The following UBAC2 variants were observed in gnomAD, a reference collection of about 807,000 sequenced individuals.
The protein encoded by UBAC2 is ubiquitin-associated domain-containing protein 2.
Under a neutral mutation model 44.0 loss-of-function variants are expected in UBAC2, and 26 were observed. The ratio of observed to expected loss-of-function variants is 0.59; its 90% CI spans 0.43 to 0.82. UBAC2 has a LOEUF of 0.82. UBAC2 is among the 40% of genes least tolerant of loss of function. The pLI is 0.00. For synonymous variants in UBAC2, 155 were observed against 154.3 expected (o/e 1.00, Z -0.04); for missense variants, 329 against 419.4 (o/e 0.78, Z 1.88).
chr13:99,372,304 T>C (rs1431803447), intron 8 of UBAC2: 1 of 152,268 alleles, frequency 6.6e-6, no homozygotes, highest in Non-Finnish European at 1.5e-5. Flanking sequence ...CCAAGTGCTC[T>C]TAGAGTTGAA....
At position 99,283,688 on chromosome 13, in the gene UBAC2, C is replaced by T. The variant is rs1168591183; in HGVS notation, c.390-30409C>T. ...ATGCCTGTCTGAATTGTGGCTCAGA[C>T]ATTTCCTTAATGCCTTAATGCCACC... is the stretch of plus-strand genomic sequence containing the variant. On this transcript the variant is annotated intron_variant, in intron 4 of 8. Transcript: ENST00000403766. 2.2e-5 allele frequency among the ~76,000 whole-genome samples: 3 copies of T among 135,820 alleles called. No individual in the cohort carries two copies. The Admixed American group carries it at 2.2e-4, about 10-fold the overall frequency. The allele number at this position is 135,820 out of a possible 152,430, so 89.1% of individuals were successfully genotyped here. A position where few individuals can be genotyped will look rare whatever the true frequency, so the allele number is the denominator to read the frequency against.
intron 7 of UBAC2, among the ~76,000 whole-genome samples, chr13:99,349,325 A>T (rs2045041469): frequency 6.6e-6 from 1 of 152,214 alleles, no homozygotes; most frequent in Non-Finnish European, 1.5e-5. Context: ...AGCCCTTGGA[A>T]TCTCCACAGT....
At chr13:99,216,551 G>A (rs1229799505) in intron 1 of UBAC2, among the ~76,000 whole-genome samples, 1 of 152,190 alleles carries the variant, frequency 6.6e-6, no homozygotes, top group Non-Finnish European at 1.5e-5. Context: ...GATCAGGGCA[G>A]GCAGAAACTG....
intron 1 of UBAC2, among the ~76,000 whole-genome samples, chr13:99,204,901 CTTTTTTT>C (rs569772649): frequency 9.2e-5 from 7 of 75,976 alleles, no homozygotes; most frequent in Middle Eastern, 7.7e-3. Flanking sequence ...GTTTCGTTTC[CTTTTTTT>C]TTTTTTTTTT....
At chr13:99,230,920 G>T (rs1291856983) in intron 1 of UBAC2, among the ~76,000 whole-genome samples, 2 of 152,068 alleles carry the variant, frequency 1.3e-5, no homozygotes, top group Admixed American at 1.3e-4. Flanking sequence ...GTGGTGGCAC[G>T]TGCCTGTAGT....
chr13:99,366,382 A>C (rs1055614156), intron 7 of UBAC2, among the ~76,000 whole-genome samples: 14 of 152,154 alleles, frequency 9.2e-5, no homozygotes, highest in African/African-American at 3.4e-4. Flanking sequence ...TTAACTATAA[A>C]TCCCATGTAA....
chr13:99,264,404 A>G (rs945968045), intron 4 of UBAC2, among the ~76,000 whole-genome samples: 8 of 152,222 alleles, frequency 5.3e-5, no homozygotes, highest in Admixed American at 1.3e-4. Flanking sequence ...TTTTCTGTAT[A>G]TGTGTTACCT....
intron 1 of UBAC2, chr13:99,231,612 T>G (rs2142709739): frequency 6.6e-6 from 1 of 152,044 alleles, no homozygotes; most frequent in South Asian, 2.1e-4. Flanking sequence ...GGTTTTGCCA[T>G]GTTGACCAGG....
intron 1 of UBAC2, among the ~76,000 whole-genome samples, chr13:99,203,383 C>T (rs2042829855): frequency 6.6e-6 from 1 of 152,194 alleles, no homozygotes; most frequent in African/African-American, 2.4e-5. Flanking sequence ...AATTCTGATC[C>T]TGAGCAAGAA....
chr13:99,329,933 C>T (rs939155179), intron 6 of UBAC2, among the ~76,000 whole-genome samples: 2 of 152,216 alleles, frequency 1.3e-5, no homozygotes, highest in Non-Finnish European at 1.5e-5. Flanking sequence ...CAGTAATCAA[C>T]AGCTACTACA....
rs1044016553 is a variant in UBAC2 at position 99,385,815 on chromosome 13, T to G, written c.*480T>G. 1 of 162,244 alleles carries G rather than the reference T, an allele frequency of 6.2e-6. No individual in the cohort carries two copies. Among genetic ancestry groups the G allele is most frequent in the African/African-American group, 2.4e-5 (1 of 41,630 alleles). The allele number at this position is 162,244 out of a possible 1,614,324, so 10.1% of individuals were successfully genotyped here. A position where few individuals can be genotyped will look rare whatever the true frequency, so the allele number is the denominator to read the frequency against. On this transcript the variant is annotated 3_prime_UTR_variant, in exon 9 of 9. Transcript: ENST00000403766. ...AACTTGTTTTCGAATCTCCTGGGAG[T>G]GAGGGAGAAACAGGGAGCTGAATCC...
intron 6 of UBAC2, among the ~76,000 whole-genome samples, chr13:99,328,462 C>T (rs963556336): frequency 3.9e-5 from 6 of 152,152 alleles, no homozygotes; most frequent in Non-Finnish European, 5.9e-5. Context: ...TTTCCACCAT[C>T]GATGTTTGAA....
intron 1 of UBAC2, chr13:99,201,462 G>C: frequency 3.1e-6 from 5 of 1,614,102 alleles, no homozygotes; most frequent in Non-Finnish European, 4.2e-6. Context: ...AACACACACT[G>C]ATGAGAGTGC....
At chr13:99,383,640 C>T (rs2045579547) in intron 8 of UBAC2, among the ~76,000 whole-genome samples, 1 of 152,254 alleles carries the variant, frequency 6.6e-6, no homozygotes. Context: ...GCGTCAGTCC[C>T]CGTGCTAAGG....
At chr13:99,374,076 G>A (rs757218352) in intron 8 of UBAC2, among the ~76,000 whole-genome samples, 3 of 152,168 alleles carry the variant, frequency 2.0e-5, no homozygotes, top group Non-Finnish European at 4.4e-5. Context: ...GCTTTTATTT[G>A]CAACTTATGA....
chr13:99,287,427 C>A (rs1206354325), intron 4 of UBAC2, among the ~76,000 whole-genome samples: 1 of 149,030 alleles, frequency 6.7e-6, no homozygotes, highest in Non-Finnish European at 1.5e-5. Context: ...AACTGCTGTT[C>A]TTTTTTTTTT....
intron 7 of UBAC2, among the ~76,000 whole-genome samples, chr13:99,349,946 G>T (rs1172272824): frequency 2.6e-5 from 4 of 152,118 alleles, no homozygotes; most frequent in African/African-American, 9.7e-5. Flanking sequence ...GGTCTGCTAA[G>T]TAATGGGTGT....
At chr13:99,345,656 C>T (rs1003539571) in intron 7 of UBAC2, among the ~76,000 whole-genome samples, 2 of 152,116 alleles carry the variant, frequency 1.3e-5, no homozygotes, top group Admixed American at 1.3e-4. Context: ...CCTGGGGCTC[C>T]AGACCGAAAT....
chr13:99,299,008 A>T (rs1268901019), intron 4 of UBAC2, among the ~76,000 whole-genome samples: 1 of 152,234 alleles, frequency 6.6e-6, no homozygotes. Context: ...AATTGCCTTT[A>T]AAATACATGG....
Sources: allele counts gnomAD v4.1 joint callset (sites outside exome capture counted in the v4.1 genomes callset), GRCh38; gene constraint gnomAD v4.1.1; transcripts MANE v1.5; gene names NCBI Gene and HGNC (gene_info 2026-07-23, HGNC 2026-07-21).